The following CUL3 variants were observed in gnomAD, a reference collection of about 807,000 sequenced individuals.
CUL3 encodes the protein cullin-3.
CUL3 carries 19 observed loss-of-function variants against 89.1 expected under a neutral mutation model. The observed-to-expected ratio is 0.21, with a 90% confidence interval of 0.15 to 0.31. The LOEUF (loss-of-function observed/expected upper bound fraction) is 0.31. Ranked by LOEUF, CUL3 falls within the 10% of genes least tolerant of loss-of-function variation. The pLI is 1.00. For missense variants in CUL3, 469 were observed against 942.3 expected, an observed-to-expected ratio of 0.50 and a Z score of 6.58; for synonymous variants, 351 against 308.4, an observed-to-expected ratio of 1.14 and a Z score of -1.45.
intron 13 of CUL3, among the ~76,000 whole-genome samples, chr2:224,488,443 G>A (rs754594884): frequency 5.9e-5 from 9 of 152,080 alleles, no homozygotes; most frequent in Non-Finnish European, 8.8e-5. Flanking sequence ...TATCACCACC[G>A]ATCCCACAGA....
chr2:224,545,793 G>A (rs182187762), intron 2 of CUL3, among the ~76,000 whole-genome samples: 61 of 152,116 alleles, frequency 4.0e-4, no homozygotes, highest in Non-Finnish European at 8.4e-4. Context: ...ATAGCACTAC[G>A]GAAAAGTTAC....
chr2:224,573,045 T>C (rs1159123697), intron 1 of CUL3, among the ~76,000 whole-genome samples: 1 of 152,232 alleles, frequency 6.6e-6, no homozygotes, highest in Non-Finnish European at 1.5e-5. Flanking sequence ...CAAATTATTA[T>C]TTGGCTAGTG....
chr2:224,550,447 T>C (rs543715230), intron 2 of CUL3, among the ~76,000 whole-genome samples: 1 of 152,344 alleles, frequency 6.6e-6, no homozygotes, highest in Non-Finnish European at 1.5e-5. Context: ...TTAGGGATGT[T>C]CAACCTGTAC....
chr2:224,553,231 A>G (rs944023087), intron 2 of CUL3, among the ~76,000 whole-genome samples: 3 of 152,248 alleles, frequency 2.0e-5, no homozygotes, highest in Non-Finnish European at 2.9e-5. Context: ...AGTAAACATG[A>G]AAACAAAAGC....
chr2:224,541,973 T>C (rs1694125045), intron 2 of CUL3, among the ~76,000 whole-genome samples: 1 of 152,156 alleles, frequency 6.6e-6, no homozygotes, highest in African/African-American at 2.4e-5. Flanking sequence ...AGTGTGACAG[T>C]GGTTACATGA....
chr2:224,483,710 T>A (rs1691614505), intron 13 of CUL3, among the ~76,000 whole-genome samples: 1 of 152,106 alleles, frequency 6.6e-6, no homozygotes, highest in Non-Finnish European at 1.5e-5. Context: ...TTCTTCAGAT[T>A]TTTCAGCTAG....
chr2:224,500,997 T>C (rs1248831171), intron 10 of CUL3, among the ~76,000 whole-genome samples: 2 of 152,174 alleles, frequency 1.3e-5, no homozygotes, highest in Non-Finnish European at 2.9e-5. Context: ...AATAGCTTAA[T>C]TATTGCTTAT....
chr2:224,522,791 G>A (rs561300845), intron 3 of CUL3, among the ~76,000 whole-genome samples: 1 of 149,394 alleles, frequency 6.7e-6, no homozygotes, highest in South Asian at 2.1e-4. Flanking sequence ...TCCTGCCACT[G>A]CACTCCAGCC....
At chr2:224,521,363 T>C (rs16866027) in intron 3 of CUL3, among the ~76,000 whole-genome samples, 6,222 of 152,258 alleles carry the variant, frequency 0.041, 166 homozygotes, top group Middle Eastern at 0.078. Context: ...AAAAGTCCTC[T>C]GGTTCTATTA....
intron 1 of CUL3, among the ~76,000 whole-genome samples, chr2:224,570,415 G>GGT (rs1487006351): frequency 6.6e-6 from 1 of 152,172 alleles, no homozygotes; most frequent in African/African-American, 2.4e-5. Context: ...AACGTGAGAC[G>GGT]GTGGACTGTG....
At chr2:224,490,377 C>T (rs1456159663) in intron 13 of CUL3, among the ~76,000 whole-genome samples, 2 of 152,180 alleles carry the variant, frequency 1.3e-5, no homozygotes, top group Non-Finnish European at 2.9e-5. Context: ...GGCTGGTGGA[C>T]AGGTGACTCA....
Position 224,471,855 on chromosome 2 carries a change from T to A in CUL3, c.*2390A>T, listed in dbSNP as rs193201485. On this transcript the variant is annotated 3_prime_UTR_variant, in exon 16 of 16. Coordinates refer to ENST00000264414, the MANE Select transcript of CUL3 (RefSeq NM_003590.5). ...ATTTTTGCAGTTGAAAAACTATGTA[T>A]CCACCCTCCTTAAAAGTCTTCTAAT... 7.4e-5 allele frequency: 17 copies of A among 230,352 alleles called. No homozygotes were observed. The highest frequency in any genetic ancestry group is 1.1e-4 in the Non-Finnish European group (13 of 116,356). The allele number at this position is 230,352 out of a possible 1,614,324, so 14.3% of individuals were successfully genotyped here.
chr2:224,496,482 TC>T (rs1029184644), intron 12 of CUL3, among the ~76,000 whole-genome samples: 7 of 152,154 alleles, frequency 4.6e-5, no homozygotes, highest in African/African-American at 1.7e-4. Context: ...CTGTCCCTTG[TC>T]CCCCCATTGT....
intron 2 of CUL3, among the ~76,000 whole-genome samples, chr2:224,543,692 C>T (rs576386457): frequency 3.6e-4 from 55 of 152,142 alleles, no homozygotes; most frequent in Non-Finnish European, 6.2e-4. Flanking sequence ...CAAAAAGTTT[C>T]GGATTTTGGC....
chr2:224,495,779 C>T (rs769375853), intron 13 of CUL3, 53 bp downstream of exon 13: 62 of 1,476,302 alleles, frequency 4.2e-5, no homozygotes, highest in Middle Eastern at 1.8e-4. Flanking sequence ...ACTCAAGTAA[C>T]AAGTGAGAGT....
At chr2:224,540,967 T>C (rs1425788928) in intron 2 of CUL3, among the ~76,000 whole-genome samples, 2 of 152,184 alleles carry the variant, frequency 1.3e-5, no homozygotes, top group Non-Finnish European at 2.9e-5. Flanking sequence ...GAAAAATACC[T>C]AGCTGTATCA....
At chr2:224,482,216 GTAC>G (rs1691560275) in intron 13 of CUL3, 138 bp from the exon 14 acceptor site, 2 of 566,130 alleles carry the variant, frequency 3.5e-6, no homozygotes, top group Admixed American at 4.0e-5. Context: ...ATTCTCTTGA[GTAC>G]TATGACACAT....
At chr2:224,572,555 C>A (rs1695205518) in intron 1 of CUL3, among the ~76,000 whole-genome samples, 1 of 147,160 alleles carries the variant, frequency 6.8e-6, no homozygotes, top group South Asian at 2.2e-4. Flanking sequence ...GTGAAAGAAT[C>A]CATTAGGCCC....
chr2:224,547,121 G>A (rs1694332662), intron 2 of CUL3, among the ~76,000 whole-genome samples: 2 of 152,120 alleles, frequency 1.3e-5, no homozygotes, highest in South Asian at 4.1e-4. Context: ...ACAAGGAACT[G>A]AAAATGGCAC....
Sources: gnomAD v4.1 joint callset for allele counts (sites outside exome capture counted in the v4.1 genomes callset) on GRCh38, gnomAD v4.1.1 for gene constraint, MANE v1.5 for transcripts, NCBI Gene and HGNC (gene_info 2026-07-23, HGNC 2026-07-21) for gene names.